The following PDZD2 variants were observed in gnomAD, a reference collection of about 807,000 sequenced individuals.
PDZD2 encodes the protein PDZ domain containing 2, also known as PDZ domain-containing protein 2.
Under a neutral mutation model 220.7 loss-of-function variants are expected in PDZD2, and 90 were observed. The ratio of observed to expected loss-of-function variants is 0.41; its 90% confidence interval spans 0.34 to 0.49. The LOEUF (loss-of-function observed/expected upper bound fraction) is 0.49, where lower values mean the gene tolerates loss of function less well. Among genes scored for constraint, PDZD2 ranks in the 20% least tolerant of loss-of-function variants. The probability of loss-of-function intolerance (pLI) is 0.28; values close to 1 mark genes in which losing one functional copy is unlikely to be tolerated. For missense variants in PDZD2, 3,174 were observed against 3,608.5 expected (o/e 0.88, Z 3.08); for synonymous variants, 1,375 against 1,450.5 (o/e 0.95, Z 1.18).
chr5:32,094,102 G>A (rs928123462), intron 21 of PDZD2, among the ~76,000 whole-genome samples: 2 of 151,278 alleles, frequency 1.3e-5, no homozygotes, highest in African/African-American at 4.9e-5. Context: ...GGAGGGGTTG[G>A]TCTTGCTGCC....
chr5:31,698,578 G>A (rs1218982330), intron 1 of PDZD2, among the ~76,000 whole-genome samples: 4 of 147,206 alleles, frequency 2.7e-5, no homozygotes, highest in African/African-American at 7.6e-5. Context: ...CAGCCTGGGC[G>A]ACAGAGCGAG....
intron 1 of PDZD2, among the ~76,000 whole-genome samples, chr5:31,726,633 G>C (rs1003523699): frequency 2.0e-5 from 3 of 152,186 alleles, no homozygotes; most frequent in African/African-American, 7.2e-5. Flanking sequence ...CAAAGTTTTT[G>C]TACCCCTCAG....
At chr5:31,744,596 A>G (rs1374848149) in intron 1 of PDZD2, 1 of 152,066 alleles carries the variant, frequency 6.6e-6, no homozygotes, top group East Asian at 1.9e-4. Context: ...AAGAAGAAAG[A>G]TTTTTCCCCT....
chr5:31,646,222 A>G lies in PDZD2; in HGVS notation c.-361+6785A>G, dbSNP rs1745130646. On this transcript the variant is annotated intron_variant, in intron 1 of 24. Coordinates refer to ENST00000438447, the MANE Select transcript of PDZD2 (RefSeq NM_178140.4). This position sits in a 1 kb window ranked among gnomAD's most constrained non-coding sequence, Gnocchi z 4.7. The stretch of plus-strand genomic sequence containing the variant: ...CCTGGGATGTTACTGTAATTCCAGT[A>G]TTCCAGAAGACTCTGTTTCTGGAGA... Among the ~76,000 whole-genome samples, 1 of 152,174 alleles carries G rather than the reference A, an allele frequency of 6.6e-6. No individual in the cohort carries two copies. Among genetic ancestry groups the G allele is most frequent in the Non-Finnish European group, 1.5e-5 (1 of 68,036 alleles).
chr5:31,810,845 T>C (rs1437151455), intron 2 of PDZD2, among the ~76,000 whole-genome samples: 3 of 152,244 alleles, frequency 2.0e-5, no homozygotes, highest in Non-Finnish European at 2.9e-5. Flanking sequence ...TCTTGTACAA[T>C]GTAAAATGAA....
intron 2 of PDZD2, among the ~76,000 whole-genome samples, chr5:31,801,595 G>T (rs567908825): frequency 6.6e-6 from 1 of 152,136 alleles, no homozygotes; most frequent in African/African-American, 2.4e-5. Flanking sequence ...GCAGGAGGAC[G>T]AAGTAGTCAG....
At chr5:31,693,149 C>G (rs1747212738) in intron 1 of PDZD2, among the ~76,000 whole-genome samples, 1 of 131,010 alleles carries the variant, frequency 7.6e-6, no homozygotes, top group African/African-American at 3.0e-5. Flanking sequence ...AAGCTCGGAG[C>G]TAAGAGTGGT....
chr5:31,683,222 A>AAG (rs55751706), intron 1 of PDZD2, among the ~76,000 whole-genome samples: 9,011 of 148,134 alleles, frequency 0.061, 427 homozygotes, highest in African/African-American at 0.12. Flanking sequence ...AAAAAAAAAA[A>AAG]AAAGAAAGAA....
chr5:31,992,865 A>G (rs1367081768), intron 3 of PDZD2, among the ~76,000 whole-genome samples: 2 of 8,804 alleles, frequency 2.3e-4, no homozygotes, highest in East Asian at 6.4e-4. Flanking sequence ...TCTTCCATGG[A>G]AAAAAAAAAA....
At chr5:32,080,589 A>G (rs1561531083) in intron 19 of PDZD2, among the ~76,000 whole-genome samples, 2 of 152,146 alleles carry the variant, frequency 1.3e-5, no homozygotes, top group Non-Finnish European at 2.9e-5. Flanking sequence ...CTAAACCAAC[A>G]TTTCCTATTT....
chr5:31,929,386 A>G (rs142555497), intron 2 of PDZD2, among the ~76,000 whole-genome samples: 9 of 152,322 alleles, frequency 5.9e-5, no homozygotes, highest in Admixed American at 3.3e-4. Context: ...ATACCATCAA[A>G]TGTTTAGCTG....
chr5:31,802,919 CAAA>C (rs34901917), intron 2 of PDZD2, among the ~76,000 whole-genome samples: 3 of 56,180 alleles, frequency 5.3e-5, no homozygotes, highest in African/African-American at 7.0e-5. Flanking sequence ...GACTCTGTCT[CAAA>C]AAAAAAAAAA....
chr5:32,077,263 A>G (rs1452444694), intron 18 of PDZD2, among the ~76,000 whole-genome samples, 199 bp from the exon 19 acceptor site: 1 of 152,182 alleles, frequency 6.6e-6, no homozygotes, highest in African/African-American at 2.4e-5. Flanking sequence ...AGAGTTGAAA[A>G]AAATGGAGGC....
intron 1 of PDZD2, among the ~76,000 whole-genome samples, chr5:31,757,322 T>C (rs1417023172): frequency 6.6e-6 from 1 of 151,870 alleles, no homozygotes; most frequent in Non-Finnish European, 1.5e-5. Flanking sequence ...CCAGGCACGG[T>C]GGCTCACGCC....
At chr5:32,003,384 C>CTCCT (rs149402324) in intron 5 of PDZD2, among the ~76,000 whole-genome samples, 37,973 of 80,498 alleles carry the variant, frequency 0.47, 12,230 homozygotes, top group Non-Finnish European at 0.68. Context: ...CACACACACA[C>CTCCT]CCACACACAC....
intron 2 of PDZD2, among the ~76,000 whole-genome samples, chr5:31,880,801 T>TCC (rs1157113826): frequency 7.7e-6 from 1 of 129,708 alleles, no homozygotes; most frequent in Non-Finnish European, 1.7e-5. Context: ...CTTTTTTTTT[T>TCC]TTTTTTTTTT....
chr5:31,952,688 A>C (rs1476594788), intron 2 of PDZD2, among the ~76,000 whole-genome samples: 1 of 152,214 alleles, frequency 6.6e-6, no homozygotes, highest in African/African-American at 2.4e-5. Context: ...CTGAAAAAGA[A>C]TTTATTTGGA....
chr5:31,679,285 T>C (rs557430228), intron 1 of PDZD2, among the ~76,000 whole-genome samples: 10 of 152,394 alleles, frequency 6.6e-5, no homozygotes, highest in African/African-American at 2.4e-4. Flanking sequence ...ATTCTTTCGC[T>C]TTTGCGAAGC....
chr5:31,981,765 A>T (rs908842862), intron 2 of PDZD2, among the ~76,000 whole-genome samples: 1 of 152,166 alleles, frequency 6.6e-6, no homozygotes, highest in Non-Finnish European at 1.5e-5. Flanking sequence ...TCCTGGGTTC[A>T]TCAGGGATTT....
Sources: gnomAD v4.1 joint callset for allele counts (sites outside exome capture counted in the v4.1 genomes callset) on GRCh38, gnomAD v4.1.1 for gene constraint, Gnocchi (gnomAD v3.1) non-coding constraint, MANE v1.5 for transcripts, NCBI Gene and HGNC (gene_info 2026-07-23, HGNC 2026-07-21) for gene names.